The following ST6GAL2 variants were observed in gnomAD, a reference collection of about 807,000 sequenced individuals.
ST6GAL2 encodes beta-galactoside alpha-2,6-sialyltransferase 2.
In ST6GAL2, 24 loss-of-function variants were observed where a neutral mutation model predicts 37.5. The ratio of observed to expected loss-of-function variants is 0.64; its 90% CI spans 0.46 to 0.90. ST6GAL2 has a LOEUF of 0.90. Among genes scored for constraint, ST6GAL2 ranks in the 40% least tolerant of loss-of-function variants. ST6GAL2 has a pLI of 0.00. For synonymous variants in ST6GAL2, 306 were observed against 295.1 expected (o/e 1.04, Z -0.38); for missense variants, 715 against 712.7 (o/e 1.00, Z -0.04).
At chr2:106,833,779 A>C (rs796692187) in intron 3 of ST6GAL2, among the ~76,000 whole-genome samples, 2 of 152,174 alleles carry the variant, frequency 1.3e-5, no homozygotes, top group Non-Finnish European at 2.9e-5. Context: ...TGCTAAGTCT[A>C]TGATTATAAA....
chr2:106,827,279 G>A (rs1458423954), intron 5 of ST6GAL2, among the ~76,000 whole-genome samples: 3 of 152,172 alleles, frequency 2.0e-5, no homozygotes, highest in Non-Finnish European at 4.4e-5. Flanking sequence ...GCTATTTAAG[G>A]ATGTTGGATA....
At chr2:106,887,128 T>C (rs1281756590), upstream of ST6GAL2, 1 of 152,206 alleles carries the variant, frequency 6.6e-6, no homozygotes. Flanking sequence ...GTGTACCCTG[T>C]CCAACACCTC....
intron 2 of ST6GAL2, among the ~76,000 whole-genome samples, chr2:106,840,230 A>G (rs1368841474): frequency 6.6e-6 from 1 of 152,192 alleles, no homozygotes; most frequent in Non-Finnish European, 1.5e-5. Context: ...TCATTTAGCC[A>G]ATTCACAAGT....
chr2:106,814,097 C>T (rs1463228375), intron 5 of ST6GAL2, among the ~76,000 whole-genome samples: 1 of 152,090 alleles, frequency 6.6e-6, no homozygotes, highest in Non-Finnish European at 1.5e-5. Context: ...AAGACTCTAC[C>T]ACCCTAAACA....
At chr2:106,858,662 C>T (rs6543454) in intron 1 of ST6GAL2, among the ~76,000 whole-genome samples, 120,378 of 152,092 alleles carry the variant, frequency 0.79, 47,944 homozygotes, top group Non-Finnish European at 0.82. Flanking sequence ...TACCAGCAAG[C>T]GTCTCCAAAG....
upstream of ST6GAL2, among the ~76,000 whole-genome samples, chr2:106,886,810 G>A (rs1375192966): frequency 6.6e-6 from 1 of 151,844 alleles, no homozygotes; most frequent in Non-Finnish European, 1.5e-5. Flanking sequence ...GCCCGCCGGC[G>A]AGCGCAGGCG....
intron 5 of ST6GAL2, among the ~76,000 whole-genome samples, chr2:106,818,071 G>T (rs1005045452): frequency 1.4e-4 from 21 of 152,278 alleles, no homozygotes; most frequent in Non-Finnish European, 2.4e-4. Context: ...ATACCAGGTA[G>T]AATCCTAAGT....
chr2:106,819,462 T>C (rs1489298982), intron 5 of ST6GAL2, among the ~76,000 whole-genome samples: 1 of 152,000 alleles, frequency 6.6e-6, no homozygotes, highest in African/African-American at 2.4e-5. Flanking sequence ...ATATTTAAAG[T>C]GCAGAAGGAA....
At position 106,843,243 on chromosome 2, in the gene ST6GAL2, C is replaced by A. The variant is rs1327276796; in HGVS notation, c.735G>T (p.Gly245=). The A allele has an allele frequency of 6.3e-7, 1 of 1,585,116 alleles. No homozygotes were observed. The highest frequency in any genetic ancestry group is 8.6e-7 in the Non-Finnish European group (1 of 1,165,384). Residue 245 remains glycine, a synonymous_variant, in exon 2 of 6, where the codon GGG becomes GGT. Transcript: ENST00000409382. Reference sequence around the variant, plus strand: ...GGCACAGCAGCTGTGCCCTGCTCAGCCCGGCCTCCCGCTTCCCGCGGAAGC... The same window carrying A: ...GGCACAGCAGCTGTGCCCTGCTCAGACCGGCCTCCCGCTTCCCGCGGAAGC... The part of the protein sequence containing the change: ...GVRFRGKREA[G]LSRAQLLCQL...
chr2:106,869,917 G>A lies in ST6GAL2; in HGVS notation c.-58+16176C>T, dbSNP rs1678193896. Reference sequence around the variant, plus strand: ...ACAAGGCACCTGACCTTTGAGCCAGGGAGACAGCCAATCCTAAATTGTGGA... The same window carrying A: ...ACAAGGCACCTGACCTTTGAGCCAGAGAGACAGCCAATCCTAAATTGTGGA... On this transcript the variant is annotated intron_variant, in intron 1 of 5. Coordinates refer to ENST00000409382, the MANE Select transcript of ST6GAL2 (RefSeq NM_001142351.2). 3.3e-5 allele frequency among the ~76,000 whole-genome samples: 5 copies of A among 152,184 alleles called. No individual in the cohort carries two copies. In the South Asian group the frequency reaches 1.0e-3, roughly 32 times the overall value.
At chr2:106,858,308 C>T (rs1043466951) in intron 1 of ST6GAL2, among the ~76,000 whole-genome samples, 2 of 152,226 alleles carry the variant, frequency 1.3e-5, no homozygotes, top group African/African-American at 4.8e-5. Flanking sequence ...CTGCACTCAG[C>T]TGACAGTAAT....
Position 106,802,825 on chromosome 2 carries a change from A to C in ST6GAL2, c.*3853T>G, listed in dbSNP as rs1173860775. ...CTGATAATTCCCCTGGTCCCACCTCACTCCCTTTCTCTGTCTCTTACCACA... is the reference window on the plus strand; with the variant it reads ...CTGATAATTCCCCTGGTCCCACCTCCCTCCCTTTCTCTGTCTCTTACCACA... On this transcript the variant is annotated 3_prime_UTR_variant, in exon 6 of 6. Coordinates refer to ENST00000409382, the MANE Select transcript of ST6GAL2 (RefSeq NM_001142351.2). 6.6e-6 allele frequency: 1 copy of C among 152,072 alleles called. No homozygotes were observed. Among genetic ancestry groups the C allele is most frequent in the Non-Finnish European group, 1.5e-5 (1 of 68,038 alleles). 9.4% of individuals were successfully genotyped at this position (152,072 alleles called of 1,614,324 possible).
At chr2:106,831,816 C>T (rs1676436418) in intron 4 of ST6GAL2, among the ~76,000 whole-genome samples, 1 of 152,180 alleles carries the variant, frequency 6.6e-6, no homozygotes, top group African/African-American at 2.4e-5. Flanking sequence ...AAGAAGGTTG[C>T]ATCCTCTCTG....
At chr2:106,844,061 C>T in intron 1 of ST6GAL2, 27 bp from the exon 2 acceptor site, 4 of 1,127,156 alleles carry the variant, frequency 3.5e-6, no homozygotes, top group Non-Finnish European at 3.8e-6. Flanking sequence ...TGGCAGTTAG[C>T]CAACATGGGG....
chr2:106,865,797 T>C (rs1004708880), intron 1 of ST6GAL2, among the ~76,000 whole-genome samples: 2 of 152,194 alleles, frequency 1.3e-5, no homozygotes, highest in Non-Finnish European at 2.9e-5. Flanking sequence ...AATTCAGGCC[T>C]TATACTTTTA....
intron 1 of ST6GAL2, among the ~76,000 whole-genome samples, chr2:106,867,794 T>C (rs1678098168): frequency 1.3e-5 from 2 of 152,270 alleles, no homozygotes; most frequent in African/African-American, 2.4e-5. Flanking sequence ...AACTGTGGAT[T>C]AGAAGCAGCA....
intron 1 of ST6GAL2, among the ~76,000 whole-genome samples, chr2:106,872,749 C>T (rs1678327213): frequency 6.6e-6 from 1 of 151,972 alleles, no homozygotes; most frequent in Non-Finnish European, 1.5e-5. Flanking sequence ...TTACAGGCGC[C>T]CGCCACCACA....
At chr2:106,857,351 C>G (rs1558714889) in intron 1 of ST6GAL2, among the ~76,000 whole-genome samples, 2 of 151,956 alleles carry the variant, frequency 1.3e-5, no homozygotes, top group South Asian at 2.1e-4. Flanking sequence ...GCCTGTAATC[C>G]CAGCACTTTG....
At chr2:106,874,886 T>C (rs938486725) in intron 1 of ST6GAL2, among the ~76,000 whole-genome samples, 1 of 152,166 alleles carries the variant, frequency 6.6e-6, no homozygotes, top group African/African-American at 2.4e-5. Context: ...AGAGGCAGCT[T>C]CCTCTTCAGG....
Sources: gnomAD v4.1 joint callset for allele counts (sites outside exome capture counted in the v4.1 genomes callset) on GRCh38, gnomAD v4.1.1 for gene constraint, MANE v1.5 for transcripts, NCBI Gene and HGNC (gene_info 2026-07-23, HGNC 2026-07-21) for gene names.